MS4A10: variants seen among roughly 807,000 people sequenced by gnomAD.
MS4A10 encodes membrane spanning 4-domains A10.
A neutral mutation model predicts 27.7 loss-of-function variants in MS4A10; 27 were observed. That is an observed-to-expected ratio of 0.98 (90% CI 0.72 to 1.35). The LOEUF (loss-of-function observed/expected upper bound fraction) is 1.35. MS4A10 is among the 40% of genes most tolerant of loss of function. The probability of loss-of-function intolerance (pLI) is 0.00; values close to 1 mark genes in which losing one functional copy is unlikely to be tolerated. For synonymous variants in MS4A10, 139 were observed against 131.2 expected (o/e 1.06, Z -0.41); for missense variants, 338 against 324.7 (o/e 1.04, Z -0.32).
chr11:60,795,417 C>CGTATCATCAAAAAA, intron 5 of MS4A10, 138 bp from the exon 6 acceptor site: 1 of 473,570 alleles, frequency 2.1e-6, no homozygotes, highest in Non-Finnish European at 3.7e-6. Flanking sequence ...CTGCCTTCCC[C>CGTATCATCAAAAAA]ACGCACACCT....
At chr11:60,793,928 T>A in intron 4 of MS4A10, 44 bp from the exon 5 acceptor site, 1 of 1,608,874 alleles carries the variant, frequency 6.2e-7, no homozygotes, top group Non-Finnish European at 8.5e-7. Flanking sequence ...TAGCCCCAGG[T>A]CTCCACCCTT....
Sources: gnomAD v4.1 joint callset for allele counts on GRCh38, gnomAD v4.1.1 for gene constraint, MANE v1.5 for transcripts, NCBI Gene and HGNC (gene_info 2026-07-23, HGNC 2026-07-21) for gene names.